The following CEP152 variants were observed in gnomAD, a reference collection of about 807,000 sequenced individuals.
CEP152 encodes the protein centrosomal protein of 152 kDa.
In CEP152, 132 loss-of-function variants were observed where a neutral mutation model predicts 188.9. That is an observed-to-expected ratio of 0.70 (90% CI 0.61 to 0.81). The LOEUF is 0.81. Among genes scored for constraint, CEP152 ranks in the 30% least tolerant of loss-of-function variants. The pLI is 0.00. For synonymous variants in CEP152, 649 were observed against 666.6 expected, an observed-to-expected ratio of 0.97 and a Z score of 0.41; for missense variants, 1,914 against 1,969.8, an observed-to-expected ratio of 0.97 and a Z score of 0.54.
In CEP152 at chr15:48,796,350, C is replaced by T. The variant is rs1897298074; in HGVS notation, c.541-190G>A. On this transcript the variant is annotated intron_variant, in intron 5 of 26. Transcript: ENST00000380950. ...TATATATATCTGCTCAAAAGTAGCA[C>T]GTATTGTTATTTAACACTATTAATT... Among the ~76,000 whole-genome samples the T allele has an allele frequency of 2.0e-5, 3 of 151,420 alleles. No individual in the cohort carries two copies. In the South Asian group the frequency reaches 6.2e-4, roughly 32 times the overall value.
intron 26 of CEP152, 45 bp downstream of exon 26, chr15:48,741,556 A>T (rs200782328): frequency 6.2e-7 from 1 of 1,613,744 alleles, no homozygotes; most frequent in Admixed American, 1.7e-5. Flanking sequence ...AAATAGCTAA[A>T]GAAGAAAAGA....
chr15:48,740,156 C>T (rs921542868), intron 26 of CEP152, among the ~76,000 whole-genome samples: 1 of 152,176 alleles, frequency 6.6e-6, no homozygotes, highest in African/African-American at 2.4e-5. Flanking sequence ...TTATATAAAG[C>T]TGTATGATCT....
At chr15:48,733,906 A>G (rs1440380113), downstream of CEP152, among the ~76,000 whole-genome samples, 1 of 152,180 alleles carries the variant, frequency 6.6e-6, no homozygotes, top group Non-Finnish European at 1.5e-5. Flanking sequence ...AATATATCAC[A>G]TACTGTCCTT....
intron 20 of CEP152, 33 bp from the exon 21 acceptor site, chr15:48,752,502 G>T: frequency 1.2e-6 from 2 of 1,609,076 alleles, no homozygotes. Flanking sequence ...TTAATGCTTA[G>T]TAAAAATCTT....
intron 9 of CEP152, among the ~76,000 whole-genome samples, chr15:48,785,434 A>G (rs1261457649): frequency 6.6e-6 from 1 of 152,178 alleles, no homozygotes; most frequent in Non-Finnish European, 1.5e-5. Context: ...ACCTGGTTCT[A>G]AAGCGCCAAA....
chr15:48,794,195 A>T (rs1897155887), intron 6 of CEP152, among the ~76,000 whole-genome samples: 1 of 151,844 alleles, frequency 6.6e-6, no homozygotes, highest in African/African-American at 2.4e-5. Context: ...TACATAATTT[A>T]AAAAAAAATT....
At chr15:48,780,247 G>A (rs990489560) in intron 12 of CEP152, among the ~76,000 whole-genome samples, 2 of 152,086 alleles carry the variant, frequency 1.3e-5, no homozygotes, top group Non-Finnish European at 2.9e-5. Context: ...GTAGGGATGA[G>A]AGTCCCTGAA....
chr15:48,767,118 T>C lies in CEP152; in HGVS notation c.2222A>G (p.Asp741Gly). ...ECYLEVCREK[D>G]NLELTLRKTT... Reference sequence around the variant, plus strand: ...CTTCCTGAGAGTCAATTCTAGATTATCCTTCTCTCTGCACACTTCTAGGTA... The same window carrying C: ...CTTCCTGAGAGTCAATTCTAGATTACCCTTCTCTCTGCACACTTCTAGGTA... The change falls in exon 17 of 27, where the codon GAT becomes GGT. Residue 741 changes from aspartate (D) to glycine (G), a missense_variant. Asp to Gly is a moderately conservative substitution (Grantham distance 94). Coordinates refer to ENST00000380950, the MANE Select transcript of CEP152 (RefSeq NM_001194998.2). 1 of 1,613,684 alleles carries C rather than the reference T, an allele frequency of 6.2e-7. No homozygotes were observed. Among genetic ancestry groups the C allele is most frequent in the African/African-American group, 1.3e-5 (1 of 75,048 alleles).
Position 48,797,314 on chromosome 15 carries a change from C to T in CEP152, c.527G>A (p.Trp176Ter), listed in dbSNP as rs763537210. ...TTTTTACAATACCTGAAAATGGTTC[C>T]ATTGAGGATCTGAAAATTTAATTAC... ...TNVIKFSDPQ[W>*]NHFQGPSCQG... is the part of the protein sequence containing the mutation. The change falls in exon 5 of 27, where the codon TGG (tryptophan) becomes TAG (stop). Residue 176 changes from tryptophan to a stop codon, truncating the protein, a stop_gained. Coordinates refer to ENST00000380950, the MANE Select transcript of CEP152 (RefSeq NM_001194998.2). LOFTEE classifies it high-confidence loss of function. 2 of 1,614,004 alleles carry T rather than the reference C, an allele frequency of 1.2e-6. No homozygotes were observed. Among genetic ancestry groups the T allele is most frequent in the Admixed American group, 1.7e-5 (1 of 60,018 alleles).
Position 48,767,476 on chromosome 15 carries a change from C to T in CEP152, c.2019-13G>A, listed in dbSNP as rs9302144. 24,946 of 1,613,916 alleles carry T rather than the reference C, an allele frequency of 0.015. 1,443 individuals are homozygous for T. Among genetic ancestry groups the T allele is most frequent in the African/African-American group, 0.15 (11,438 of 74,960 alleles). On this transcript the variant is annotated splice_polypyrimidine_tract_variant and intron_variant, in intron 15 of 26. Coordinates refer to ENST00000380950, the MANE Select transcript of CEP152 (RefSeq NM_001194998.2). ...AGTCCTTTCACACCTGGAAACAGAG[C>T]GGAATCAAAGGCAATGCCCAGTCTC...
chr15:48,734,030 G>GA (rs1410916405), downstream of CEP152, among the ~76,000 whole-genome samples: 3 of 152,062 alleles, frequency 2.0e-5, no homozygotes, highest in Non-Finnish European at 4.4e-5. Flanking sequence ...GAAAGGAAAT[G>GA]ACAACAGACC....
intron 5 of CEP152, 129 bp from the exon 6 acceptor site, chr15:48,796,289 TACACACACACACACACAC>T (rs3074978): frequency 1.6e-5 from 9 of 549,026 alleles, no homozygotes; most frequent in Admixed American, 1.4e-4. Flanking sequence ...TTTATATATA[TACACACACACACACACAC>T]ACACACACAC....
At chr15:48,747,564 G>T (rs946588960) in intron 22 of CEP152, among the ~76,000 whole-genome samples, 2 of 152,192 alleles carry the variant, frequency 1.3e-5, no homozygotes, top group African/African-American at 4.8e-5. Flanking sequence ...GAAGGGCTTT[G>T]CAGATAAAGC....
intron 12 of CEP152, among the ~76,000 whole-genome samples, chr15:48,778,748 A>C (rs1274094364): frequency 6.6e-6 from 1 of 152,082 alleles, no homozygotes; most frequent in East Asian, 1.9e-4. Flanking sequence ...TCGGGAGTTC[A>C]AGACCAGCCT....
At chr15:48,781,100 G>A in intron 12 of CEP152, 96 bp downstream of exon 12, 1 of 1,101,898 alleles carries the variant, frequency 9.1e-7, no homozygotes, top group Non-Finnish European at 1.4e-6. Flanking sequence ...GTTAACATAT[G>A]AAAATAATAC....
Position 48,767,325 on chromosome 15 carries a change from T to C in CEP152, c.2147+10A>G, listed in dbSNP as rs766194096. The C allele has an allele frequency of 6.2e-7, 1 of 1,614,190 alleles. No homozygotes were observed. The highest frequency in any genetic ancestry group is 1.1e-5 in the South Asian group (1 of 91,078). Reference sequence around the variant, plus strand: ...ACAGCTTAAAAGGCAGCTAAACTCTTTATTCTCACCTCAGTTGCAAATGAG... The same window carrying C: ...ACAGCTTAAAAGGCAGCTAAACTCTCTATTCTCACCTCAGTTGCAAATGAG... On this transcript the variant is annotated intron_variant, in intron 16 of 26. Transcript: ENST00000380950.
chr15:48,738,865 G>A lies in CEP152; in HGVS notation c.4517C>T (p.Pro1506Leu), dbSNP rs774466090. ...AGGACCAGGGGTACATCTAGGTGAGGGTTTATTTCCTAAGGTTCCAAGAAA... is the reference window on the plus strand; with the variant it reads ...AGGACCAGGGGTACATCTAGGTGAGAGTTTATTTCCTAAGGTTCCAAGAAA... ...YPFLGTLGNK[P>L]SPRCTPGPSE... Residue 1506 changes from proline (P) to leucine (L), a missense_variant, in exon 27 of 27, where the codon CCC (proline) becomes CTC (leucine). By Grantham distance (98) the Pro-to-Leu change is moderately conservative. Coordinates refer to ENST00000380950, the MANE Select transcript of CEP152 (RefSeq NM_001194998.2). 8 of 1,614,018 alleles carry A rather than the reference G, an allele frequency of 5.0e-6. No individual in the cohort carries two copies. The East Asian group carries it at 1.8e-4, about 36-fold the overall frequency.
intron 8 of CEP152, among the ~76,000 whole-genome samples, chr15:48,789,891 CTG>C (rs1219064950): frequency 2.0e-5 from 3 of 152,218 alleles, no homozygotes; most frequent in African/African-American, 7.2e-5. Context: ...ACCTCCAGAA[CTG>C]TGAGATAAAT....
chr15:48,796,738 C>T (rs892165247), intron 5 of CEP152, among the ~76,000 whole-genome samples: 3 of 152,252 alleles, frequency 2.0e-5, no homozygotes, highest in Middle Eastern at 3.4e-3. Context: ...TAAGAAGCAA[C>T]TAACTATATC....
Sources: allele counts gnomAD v4.1 joint callset (sites outside exome capture counted in the v4.1 genomes callset), GRCh38; gene constraint gnomAD v4.1.1; transcripts MANE v1.5; gene names NCBI Gene and HGNC (gene_info 2026-07-23, HGNC 2026-07-21).